The following RSPH14 variants were observed in gnomAD, a reference collection of about 807,000 sequenced individuals.
RSPH14 encodes the protein radial spoke head 14 homolog, also known as rhabdoid tumor deletion region gene 1.
Under a neutral mutation model 26.7 loss-of-function variants are expected in RSPH14, and 20 were observed. The observed-to-expected ratio is 0.75, with a 90% CI of 0.53 to 1.09. The LOEUF is 1.09. Among genes scored for constraint, RSPH14 ranks in the 50% least tolerant of loss-of-function variants. The pLI is 0.00. For synonymous variants in RSPH14, 177 were observed against 189.3 expected, an observed-to-expected ratio of 0.93 and a Z score of 0.53; for missense variants, 449 against 457.2, an observed-to-expected ratio of 0.98 and a Z score of 0.16.
chr22:23,175,153 A>AC, the RSPH14 span, among the ~76,000 whole-genome samples: 1 of 151,156 alleles, frequency 6.6e-6, no homozygotes, highest in African/African-American at 2.4e-5. Context: ...CCACCACCAC[A>AC]CCCGGCTAAT....
the RSPH14 span, chr22:23,157,935 C>A: frequency 6.2e-7 from 1 of 1,609,502 alleles, no homozygotes; most frequent in Non-Finnish European, 8.5e-7. Context: ...TCCTGGGGAG[C>A]CCCCTTGCTC....
chr22:23,090,452 T>G (rs2068940067), intron 4 of RSPH14, among the ~76,000 whole-genome samples: 1 of 152,150 alleles, frequency 6.6e-6, no homozygotes, highest in Admixed American at 6.5e-5. Context: ...TGGTCTGGCT[T>G]CAGCGCAGCA....
chr22:23,079,528 A>G (rs1047176288), intron 4 of RSPH14, among the ~76,000 whole-genome samples: 1 of 152,178 alleles, frequency 6.6e-6, no homozygotes, highest in African/African-American at 2.4e-5. Context: ...CCCTGGCTGG[A>G]CTTTGACTCG....
At chr22:23,153,591 C>T in the RSPH14 span, 1 of 985,038 alleles carries the variant, frequency 1.0e-6, no homozygotes, top group South Asian at 4.7e-5. Context: ...AGATGGAGTA[C>T]ACAGCACCCA....
chr22:23,079,514 G>A (rs2068613407), intron 4 of RSPH14, among the ~76,000 whole-genome samples: 1 of 152,162 alleles, frequency 6.6e-6, no homozygotes, highest in Admixed American at 6.5e-5. Context: ...GCACAGCCCT[G>A]GTGCCCTGGC....
intron 4 of RSPH14, chr22:23,122,977 C>G: frequency 1.4e-6 from 1 of 696,412 alleles, no homozygotes; most frequent in Non-Finnish European, 2.5e-6. Context: ...TTGCAGGGAC[C>G]AGTCTTGGGC....
In RSPH14 at chr22:23,061,840, A is replaced by C. The variant is rs150054974; in HGVS notation, c.759T>G (p.Gly253=). 78 of 1,614,012 alleles carry C rather than the reference A, an allele frequency of 4.8e-5. No homozygotes were observed. Among genetic ancestry groups the C allele is most frequent in the Non-Finnish European group, 6.4e-5 (76 of 1,180,026 alleles). The change falls in exon 6 of 7, where the codon GGT becomes GGG. Residue 253 remains glycine, a synonymous_variant. Coordinates refer to ENST00000216036, the MANE Select transcript of RSPH14 (RefSeq NM_014433.3). ...TGATCACTGTGGCGAACATCAGGGC[A>C]CCGGCAGCGTTAGACTTCACATGCT... ...PVEHVKSNAA[G]ALMFATVITE...
chr22:23,128,015 C>T (rs562773297), intron 4 of RSPH14, among the ~76,000 whole-genome samples: 1 of 152,090 alleles, frequency 6.6e-6, no homozygotes, highest in Non-Finnish European at 1.5e-5. Flanking sequence ...CAGAACAGGC[C>T]CCATCATGCT....
chr22:23,094,912 G>A (rs2069079884), intron 4 of RSPH14, among the ~76,000 whole-genome samples: 1 of 152,252 alleles, frequency 6.6e-6, no homozygotes, highest in South Asian at 2.1e-4. Context: ...GGGCCCCAGG[G>A]GGCATCACAA....
the RSPH14 span, among the ~76,000 whole-genome samples, chr22:23,159,449 C>T: frequency 6.6e-6 from 1 of 152,260 alleles, no homozygotes; most frequent in African/African-American, 2.4e-5. Flanking sequence ...TGCGTCATCT[C>T]TAGAAGGAAG....
chr22:23,119,806 A>T (rs1030580751), intron 4 of RSPH14, among the ~76,000 whole-genome samples: 2 of 152,236 alleles, frequency 1.3e-5, no homozygotes, highest in East Asian at 1.9e-4. Flanking sequence ...CTCCTGCCAG[A>T]CAGGGCCCAG....
Position 23,138,945 on chromosome 22 carries a change from A to AC in RSPH14, c.200-4_200-3insG. On this transcript the variant is annotated splice_region_variant and splice_polypyrimidine_tract_variant and intron_variant, in intron 2 of 6. Transcript: ENST00000216036. Reference sequence around the variant, plus strand: ...AGCTTTCAGGTTCTCCATACAGCCTAGAAAAAAAAAAAAAAACAAACAAAC... The same window carrying AC: ...AGCTTTCAGGTTCTCCATACAGCCTACGAAAAAAAAAAAAAAACAAACAAAC... The AC allele has an allele frequency of 7.4e-7, 1 of 1,354,826 alleles. No homozygotes were observed. Among genetic ancestry groups the AC allele is most frequent in the Non-Finnish European group, 9.9e-7 (1 of 1,010,912 alleles). 83.9% of individuals were successfully genotyped at this position (1,354,826 alleles called of 1,614,324 possible). A position where few individuals can be genotyped will look rare whatever the true frequency, so the allele number is the denominator to read the frequency against.
At chr22:23,163,673 GAC>G in the RSPH14 span, 1 of 150,598 alleles carries the variant, frequency 6.6e-6, no homozygotes, top group African/African-American at 2.4e-5. Context: ...TGAATGGAAG[GAC>G]ACACAGATGG....
chr22:23,123,741 A>C (rs944186685), intron 4 of RSPH14: 14 of 356,228 alleles, frequency 3.9e-5, no homozygotes, highest in African/African-American at 2.7e-4. Context: ...CTGCCCCTTC[A>C]CTTTGCCTTC....
chr22:23,107,111 T>C (rs1356644803), intron 4 of RSPH14, among the ~76,000 whole-genome samples: 2 of 152,252 alleles, frequency 1.3e-5, no homozygotes, highest in African/African-American at 2.4e-5. Context: ...TTATCTTGTT[T>C]AAACAGCCCT....
In RSPH14 at chr22:23,061,861, A is replaced by G; in HGVS notation, c.738T>C (p.His246=). ...LVHLLKDPVE[H]VKSNAAGALM... is the part of the protein sequence containing the mutation. ...GGGCACCGGCAGCGTTAGACTTCAC[A>G]TGCTCCACTGGGTCTTTCAGCAGAT... Residue 246 remains histidine, a synonymous_variant, in exon 6 of 7, where the codon CAT becomes CAC. Coordinates refer to ENST00000216036, the MANE Select transcript of RSPH14 (RefSeq NM_014433.3). The G allele has an allele frequency of 1.2e-6, 2 of 1,614,102 alleles. No homozygotes were observed. Among genetic ancestry groups the G allele is most frequent in the East Asian group, 2.2e-5 (1 of 44,878 alleles).
At chr22:23,106,417 G>T (rs1366964418) in intron 4 of RSPH14, among the ~76,000 whole-genome samples, 2 of 152,192 alleles carry the variant, frequency 1.3e-5, no homozygotes, top group African/African-American at 2.4e-5. Flanking sequence ...ATGAGAAAGT[G>T]CTCTGTGTAC....
intron 4 of RSPH14, among the ~76,000 whole-genome samples, chr22:23,093,153 G>T (rs1177135699): frequency 6.6e-6 from 1 of 152,228 alleles, no homozygotes; most frequent in African/African-American, 2.4e-5. Context: ...TGCCCACTGT[G>T]TGCTGGAGTG....
At chr22:23,143,986 C>T (rs2070654307), upstream of RSPH14, among the ~76,000 whole-genome samples, 1 of 145,192 alleles carries the variant, frequency 6.9e-6, no homozygotes, top group African/African-American at 2.6e-5. Flanking sequence ...CCCAGCTACT[C>T]GGGAGGCTGA....
Sources: gnomAD v4.1 joint callset for allele counts (sites outside exome capture counted in the v4.1 genomes callset) on GRCh38, gnomAD v4.1.1 for gene constraint, MANE v1.5 for transcripts, NCBI Gene and HGNC (gene_info 2026-07-23, HGNC 2026-07-21) for gene names.